The following TIAM1 variants were observed in gnomAD, a reference collection of about 807,000 sequenced individuals.
The protein encoded by TIAM1 is TIAM Rac1 associated GEF 1.
A neutral mutation model predicts 163.5 loss-of-function variants in TIAM1; 65 were observed. The ratio of observed to expected loss-of-function variants is 0.40; its 90% confidence interval spans 0.33 to 0.49. The LOEUF (loss-of-function observed/expected upper bound fraction) is 0.49, where lower values mean the gene tolerates loss of function less well. Ranked by LOEUF, TIAM1 falls within the 20% of genes least tolerant of loss-of-function variation. The probability of loss-of-function intolerance (pLI) is 0.77; values close to 1 mark genes in which losing one functional copy is unlikely to be tolerated. For missense variants in TIAM1, 1,789 were observed against 2,044.7 expected (o/e 0.87, Z 2.41); for synonymous variants, 833 against 810.1 (o/e 1.03, Z -0.48).
intron 13 of TIAM1, among the ~76,000 whole-genome samples, chr21:31,194,397 G>T (rs958472033): frequency 4.6e-5 from 7 of 152,138 alleles, no homozygotes; most frequent in Admixed American, 1.3e-4. Context: ...AACATTATTT[G>T]TATGGGAAGG....
intron 2 of TIAM1, among the ~76,000 whole-genome samples, chr21:31,302,563 T>A (rs1260184292): frequency 6.6e-6 from 1 of 152,200 alleles, no homozygotes; most frequent in Non-Finnish European, 1.5e-5. Flanking sequence ...CAAGAAGACA[T>A]TTCTTCCACT....
intron 2 of TIAM1, among the ~76,000 whole-genome samples, chr21:31,303,814 CTA>C (rs1365016119): frequency 6.6e-6 from 1 of 151,928 alleles, no homozygotes; most frequent in Non-Finnish European, 1.5e-5. Flanking sequence ...CTTGTCTCTA[CTA>C]AAAATACAAA....
chr21:31,157,522 T>G (rs1022827350), intron 16 of TIAM1, among the ~76,000 whole-genome samples: 3 of 152,152 alleles, frequency 2.0e-5, no homozygotes, highest in African/African-American at 7.2e-5. Context: ...ACCCACTTAT[T>G]CCAGCTCAGG....
chr21:31,504,324 C>T (rs928617678), intron 1 of TIAM1, among the ~76,000 whole-genome samples: 6 of 152,182 alleles, frequency 3.9e-5, no homozygotes, highest in Non-Finnish European at 8.8e-5. Flanking sequence ...GGGGCATGGC[C>T]GCTGAGAAGT....
intron 2 of TIAM1, among the ~76,000 whole-genome samples, chr21:31,409,073 C>G (rs2077298071): frequency 6.6e-6 from 1 of 151,984 alleles, no homozygotes; most frequent in Non-Finnish European, 1.5e-5. Context: ...TCATGCTCCT[C>G]ACTCCCCTAA....
chr21:31,425,582 TG>T (rs1484762113), intron 2 of TIAM1, among the ~76,000 whole-genome samples: 64 of 143,446 alleles, frequency 4.5e-4, no homozygotes, highest in African/African-American at 1.8e-3. Flanking sequence ...GTCCAGGGAC[TG>T]CTTTTTTTTT....
At chr21:31,426,219 A>C (rs1424883224) in intron 2 of TIAM1, among the ~76,000 whole-genome samples, 2 of 151,976 alleles carry the variant, frequency 1.3e-5, no homozygotes, top group African/African-American at 4.8e-5. Flanking sequence ...TATCACTCTT[A>C]TGTCTTTGCA....
chr21:31,465,803 C>T (rs1304577701), intron 1 of TIAM1, among the ~76,000 whole-genome samples: 12 of 152,188 alleles, frequency 7.9e-5, no homozygotes, highest in Non-Finnish European at 1.5e-5. Context: ...ATCTCCTGAC[C>T]TCATGATCCG....
chr21:31,453,003 A>G (rs1419054730), intron 2 of TIAM1: 4 of 488,678 alleles, frequency 8.2e-6, no homozygotes, highest in Non-Finnish European at 1.6e-5. Context: ...CAGAACGGTC[A>G]AAGTGGGAGA....
At chr21:31,321,285 G>A (rs1009803671) in intron 2 of TIAM1, among the ~76,000 whole-genome samples, 2 of 152,172 alleles carry the variant, frequency 1.3e-5, no homozygotes, top group African/African-American at 4.8e-5. Context: ...CACATAATCT[G>A]AGGCCGGTCC....
intron 5 of TIAM1, among the ~76,000 whole-genome samples, chr21:31,248,092 T>G (rs2071602573): frequency 6.6e-6 from 1 of 152,102 alleles, no homozygotes. Context: ...CAACAAATAA[T>G]TATCCAGAAA....
intron 6 of TIAM1, among the ~76,000 whole-genome samples, chr21:31,228,615 G>A (rs2088201722): frequency 1.3e-5 from 2 of 152,140 alleles, no homozygotes; most frequent in South Asian, 4.1e-4. Context: ...CAAGAATGAA[G>A]GACCTATAAC....
intron 2 of TIAM1, among the ~76,000 whole-genome samples, chr21:31,453,688 C>CA (rs57479833): frequency 0.28 from 41,203 of 144,716 alleles, 6,823 homozygotes; most frequent in Middle Eastern, 0.33. Flanking sequence ...ACTCCATCTC[C>CA]AGTAAATAAA....
intron 5 of TIAM1, among the ~76,000 whole-genome samples, chr21:31,250,062 C>T (rs922745047): frequency 6.7e-6 from 1 of 149,048 alleles, no homozygotes; most frequent in African/African-American, 2.5e-5. Flanking sequence ...AGGAGGATCA[C>T]TTGAGCCCAG....
intron 2 of TIAM1, among the ~76,000 whole-genome samples, chr21:31,425,727 C>T (rs2043770337): frequency 1.3e-5 from 2 of 148,288 alleles, no homozygotes; most frequent in Non-Finnish European, 3.0e-5. Context: ...GACAGAGTCT[C>T]GCTCTGTCGC....
At chr21:31,238,135 C>T (rs2070990086) in intron 6 of TIAM1, among the ~76,000 whole-genome samples, 1 of 152,204 alleles carries the variant, frequency 6.6e-6, no homozygotes, top group African/African-American at 2.4e-5. Context: ...AGCACACAGG[C>T]TCTGGAAACT....
intron 2 of TIAM1, among the ~76,000 whole-genome samples, chr21:31,427,872 C>A (rs1045853261): frequency 6.6e-6 from 1 of 152,096 alleles, no homozygotes; most frequent in Non-Finnish European, 1.5e-5. Flanking sequence ...AAATTAAAAG[C>A]AGTCTTCTTG....
chr21:31,526,233 G>A (rs1365348485), intron 1 of TIAM1, among the ~76,000 whole-genome samples: 1 of 152,102 alleles, frequency 6.6e-6, no homozygotes, highest in Non-Finnish European at 1.5e-5. Flanking sequence ...CTTCACAGCA[G>A]GAGACTGAAG....
chr21:31,423,863 C>CGG (rs762725565), intron 2 of TIAM1, among the ~76,000 whole-genome samples: 1,194 of 25,520 alleles, frequency 0.047, 26 homozygotes, highest in Non-Finnish European at 0.074. Context: ...TCGGGGGGGG[C>CGG]GGGGGGGGGG....
Sources: allele counts gnomAD v4.1 joint callset (sites outside exome capture counted in the v4.1 genomes callset), GRCh38; gene constraint gnomAD v4.1.1; transcripts MANE v1.5; gene names NCBI Gene and HGNC (gene_info 2026-07-23, HGNC 2026-07-21).